GRIK2: variants seen among roughly 807,000 people sequenced by gnomAD.
GRIK2 encodes glutamate ionotropic receptor kainate type subunit 2.
In GRIK2, 32 loss-of-function variants were observed where a neutral mutation model predicts 100.3. The ratio of observed to expected loss-of-function variants is 0.32; its 90% CI spans 0.24 to 0.43. The LOEUF (loss-of-function observed/expected upper bound fraction) is 0.43, where lower values mean the gene tolerates loss of function less well. GRIK2 is among the 20% of genes least tolerant of loss of function. GRIK2 has a pLI of 1.00. For synonymous variants in GRIK2, 417 were observed against 389.4 expected (o/e 1.07, Z -0.83); for missense variants, 843 against 1,114.9 (o/e 0.76, Z 3.47).
chr6:101,987,054 G>T (rs1794054363), intron 14 of GRIK2, among the ~76,000 whole-genome samples: 1 of 151,904 alleles, frequency 6.6e-6, no homozygotes, highest in Admixed American at 6.6e-5. Flanking sequence ...AAGGCAGGAG[G>T]ATTGCTTGGG....
At chr6:101,700,861 G>A (rs984126351) in intron 7 of GRIK2, among the ~76,000 whole-genome samples, 2 of 152,120 alleles carry the variant, frequency 1.3e-5, no homozygotes, top group Non-Finnish European at 2.9e-5. Flanking sequence ...AGCCCAGGGG[G>A]CTCAAAGGAA....
At chr6:101,557,047 C>T (rs117110852) in intron 2 of GRIK2, among the ~76,000 whole-genome samples, 2,475 of 151,984 alleles carry the variant, frequency 0.016, 37 homozygotes, top group Non-Finnish European at 0.025. Context: ...TTAGGTGTTT[C>T]ATTCTCTATA....
intron 7 of GRIK2, among the ~76,000 whole-genome samples, chr6:101,698,288 G>A (rs1485580424): frequency 6.6e-6 from 1 of 152,042 alleles, no homozygotes; most frequent in Non-Finnish European, 1.5e-5. Flanking sequence ...AATCTACTCT[G>A]ATGCACTAAT....
At chr6:101,520,109 T>G (rs2128281101) in intron 2 of GRIK2, among the ~76,000 whole-genome samples, 1 of 152,220 alleles carries the variant, frequency 6.6e-6, no homozygotes, top group South Asian at 2.1e-4. Flanking sequence ...TAGTCCATTC[T>G]TATTAATAAA....
At chr6:101,493,360 C>T (rs1773246205) in intron 2 of GRIK2, among the ~76,000 whole-genome samples, 2 of 151,866 alleles carry the variant, frequency 1.3e-5, no homozygotes, top group Admixed American at 1.3e-4. Context: ...TAGGAGCAAC[C>T]AGATAGAAAA....
intron 6 of GRIK2, among the ~76,000 whole-genome samples, chr6:101,684,795 A>G (rs1771558585): frequency 6.7e-6 from 1 of 150,186 alleles, no homozygotes; most frequent in African/African-American, 2.5e-5. Flanking sequence ...AAGGGAGGTT[A>G]TGATCTAATG....
chr6:101,669,389 T>G (rs1326369750), intron 4 of GRIK2, among the ~76,000 whole-genome samples: 1 of 152,182 alleles, frequency 6.6e-6, no homozygotes, highest in Non-Finnish European at 1.5e-5. Flanking sequence ...GTCCATTGAT[T>G]TCTTCATTTT....
At chr6:101,760,033 C>T (rs562435618) in intron 7 of GRIK2, among the ~76,000 whole-genome samples, 4 of 139,436 alleles carry the variant, frequency 2.9e-5, no homozygotes, top group Non-Finnish European at 3.0e-5. Flanking sequence ...CCGCGCCCGG[C>T]TAATTTTTTG....
At chr6:101,702,331 A>G (rs1226380096) in intron 7 of GRIK2, among the ~76,000 whole-genome samples, 1 of 151,978 alleles carries the variant, frequency 6.6e-6, no homozygotes. Context: ...CCCATGAAAA[A>G]GGTCTTGGCT....
chr6:101,777,370 C>A (rs367743966), intron 7 of GRIK2, among the ~76,000 whole-genome samples: 6 of 152,198 alleles, frequency 3.9e-5, no homozygotes, highest in African/African-American at 1.4e-4. Flanking sequence ...GGGCGATTGT[C>A]TGTCCCATTT....
At chr6:101,767,643 A>C (rs751322893) in intron 7 of GRIK2, among the ~76,000 whole-genome samples, 1 of 152,104 alleles carries the variant, frequency 6.6e-6, no homozygotes, top group Non-Finnish European at 1.5e-5. Flanking sequence ...AATAAACACA[A>C]TATGTGTGTG....
chr6:101,611,224 A>G (rs1009437164), intron 2 of GRIK2, among the ~76,000 whole-genome samples: 1 of 151,828 alleles, frequency 6.6e-6, no homozygotes, highest in Non-Finnish European at 1.5e-5. Flanking sequence ...GAAAACAACC[A>G]ATCTTTGTCA....
intron 2 of GRIK2, among the ~76,000 whole-genome samples, chr6:101,615,502 G>A (rs1186754391): frequency 1.3e-5 from 2 of 151,704 alleles, no homozygotes; most frequent in East Asian, 1.9e-4. Context: ...TGATTACTAA[G>A]ATGCTTCTTT....
chr6:101,511,806 G>T (rs1774333222), intron 2 of GRIK2, among the ~76,000 whole-genome samples: 1 of 151,840 alleles, frequency 6.6e-6, no homozygotes. Flanking sequence ...AAAATGATTA[G>T]CTTGGAAAAT....
At chr6:101,875,629 C>T (rs972236800) in intron 11 of GRIK2, among the ~76,000 whole-genome samples, 7 of 151,604 alleles carry the variant, frequency 4.6e-5, no homozygotes, top group Non-Finnish European at 1.0e-4. Context: ...TTTCTCTTTA[C>T]TTCTTTTACA....
intron 4 of GRIK2, among the ~76,000 whole-genome samples, chr6:101,653,404 C>T (rs1217640301): frequency 6.6e-6 from 1 of 151,870 alleles, no homozygotes; most frequent in East Asian, 2.0e-4. Flanking sequence ...CCTGCGCCCT[C>T]ACTCCCCACC....
chr6:101,789,978 G>A (rs1013561620), intron 7 of GRIK2, among the ~76,000 whole-genome samples: 76 of 152,126 alleles, frequency 5.0e-4, no homozygotes, highest in Non-Finnish European at 8.5e-4. Context: ...ATTGTGAATG[G>A]GAGTTCACTC....
intron 15 of GRIK2, among the ~76,000 whole-genome samples, chr6:102,042,867 A>ATT (rs564725824): frequency 9.6e-4 from 146 of 151,806 alleles, no homozygotes; most frequent in Non-Finnish European, 1.6e-3. Flanking sequence ...CAGCAAATCT[A>ATT]TTTCACCAGT....
At chr6:101,595,714 G>GTATATATATATATATATATA (rs1213458153) in intron 2 of GRIK2, among the ~76,000 whole-genome samples, 124 of 129,544 alleles carry the variant, frequency 9.6e-4, no homozygotes, top group African/African-American at 1.4e-3. Flanking sequence ...GTGTGTGTGT[G>GTATATATATATATATATATA]TGTGTATATA....
Sources: gnomAD v4.1 joint callset for allele counts (sites outside exome capture counted in the v4.1 genomes callset) on GRCh38, gnomAD v4.1.1 for gene constraint, MANE v1.5 for transcripts, NCBI Gene and HGNC (gene_info 2026-07-23, HGNC 2026-07-21) for gene names.